Variants in SLC9A9 observed in about 807,000 individuals in gnomAD.
The protein encoded by SLC9A9 is solute carrier family 9 member A9.
A neutral mutation model predicts 77.8 loss-of-function variants in SLC9A9; 62 were observed. That is an observed-to-expected ratio of 0.80 (90% CI 0.65 to 0.98). The LOEUF (loss-of-function observed/expected upper bound fraction) is 0.98. Among genes scored for constraint, SLC9A9 ranks in the 50% least tolerant of loss-of-function variants. SLC9A9 has a pLI of 0.00. For synonymous variants in SLC9A9, 320 were observed against 283.5 expected (o/e 1.13, Z -1.29); for missense variants, 775 against 774.9 (o/e 1.00, Z 0.00).
intron 13 of SLC9A9, among the ~76,000 whole-genome samples, chr3:143,377,335 C>G (rs898616664): frequency 1.3e-5 from 2 of 152,218 alleles, no homozygotes; most frequent in African/African-American, 4.8e-5. Flanking sequence ...TCGCTTTACA[C>G]CTTTCATATT....
chr3:143,663,193 C>A (rs2039007703), intron 5 of SLC9A9, among the ~76,000 whole-genome samples: 1 of 152,202 alleles, frequency 6.6e-6, no homozygotes. Flanking sequence ...GGACCTCCAG[C>A]AAACTCCAAC....
At chr3:143,723,984 C>A (rs1161346005) in intron 4 of SLC9A9, among the ~76,000 whole-genome samples, 1 of 152,190 alleles carries the variant, frequency 6.6e-6, no homozygotes, top group Non-Finnish European at 1.5e-5. Context: ...GGTACTAGAA[C>A]AACATTTAAA....
chr3:143,619,959 G>A (rs1416615239), intron 6 of SLC9A9, among the ~76,000 whole-genome samples: 1 of 152,182 alleles, frequency 6.6e-6, no homozygotes, highest in Non-Finnish European at 1.5e-5. Flanking sequence ...AAGTGGCAGA[G>A]GTGGAGCTTC....
chr3:143,425,290 G>A (rs10935493), intron 12 of SLC9A9, among the ~76,000 whole-genome samples: 52 of 135,060 alleles, frequency 3.9e-4, no homozygotes, highest in South Asian at 1.9e-3. Flanking sequence ...TTTTTTTTAA[G>A]TATAATCATC....
chr3:143,698,483 G>GA (rs1210965319), intron 4 of SLC9A9, among the ~76,000 whole-genome samples: 1 of 152,106 alleles, frequency 6.6e-6, no homozygotes, highest in Non-Finnish European at 1.5e-5. Context: ...GGGGATTTGG[G>GA]AAAATGCTTA....
rs187302465 is a variant in SLC9A9, at chr3:143,488,349, T to C, written c.1315+5304A>G. On this transcript the variant is annotated intron_variant, in intron 11 of 15. Coordinates refer to ENST00000316549, the MANE Select transcript of SLC9A9 (RefSeq NM_173653.4). Reference sequence around the variant, plus strand: ...TTAAAGAGAAACTAATACCAACCCTTCACAAACTTTTCCAAAAACCTGAAG... The same window carrying C: ...TTAAAGAGAAACTAATACCAACCCTCCACAAACTTTTCCAAAAACCTGAAG... Among the ~76,000 whole-genome samples the C allele has an allele frequency of 5.9e-5, 9 of 152,044 alleles. No homozygotes were observed. In the East Asian group the frequency reaches 1.7e-3, roughly 29 times the overall value.
At chr3:143,515,034 A>G (rs1334052161) in intron 9 of SLC9A9, among the ~76,000 whole-genome samples, 2 of 152,180 alleles carry the variant, frequency 1.3e-5, no homozygotes, top group South Asian at 2.1e-4. Flanking sequence ...CAACCCAGAC[A>G]TGTGCAACTC....
intron 6 of SLC9A9, among the ~76,000 whole-genome samples, chr3:143,625,727 A>G (rs1375217632): frequency 6.6e-6 from 1 of 152,222 alleles, no homozygotes; most frequent in Non-Finnish European, 1.5e-5. Flanking sequence ...TGTCTAAAAC[A>G]CTAAAAGCAA....
intron 12 of SLC9A9, among the ~76,000 whole-genome samples, chr3:143,432,102 C>T (rs1249182650): frequency 6.6e-6 from 1 of 152,106 alleles, no homozygotes; most frequent in African/African-American, 2.4e-5. Flanking sequence ...ATATAATTTG[C>T]CCATTTGTTA....
At chr3:143,483,888 G>T (rs1327358601) in intron 11 of SLC9A9, among the ~76,000 whole-genome samples, 6 of 151,978 alleles carry the variant, frequency 3.9e-5, no homozygotes, top group African/African-American at 1.2e-4. Flanking sequence ...GCCAAGCCCA[G>T]CTTTCTCTTA....
intron 1 of SLC9A9, among the ~76,000 whole-genome samples, chr3:143,837,128 A>G (rs748777796): frequency 6.6e-6 from 1 of 152,136 alleles, no homozygotes; most frequent in African/African-American, 2.4e-5. Flanking sequence ...TAAAACACAA[A>G]AGTGTTTTAA....
chr3:143,723,279 G>C (rs1282766050), intron 4 of SLC9A9, among the ~76,000 whole-genome samples: 2 of 151,970 alleles, frequency 1.3e-5, no homozygotes, highest in Non-Finnish European at 2.9e-5. Flanking sequence ...AAAAACAAAG[G>C]CCCACGTTTC....
intron 2 of SLC9A9, among the ~76,000 whole-genome samples, chr3:143,805,052 C>T (rs2008673568): frequency 6.6e-6 from 1 of 152,186 alleles, no homozygotes; most frequent in Non-Finnish European, 1.5e-5. Context: ...AACTCAAGGA[C>T]AGAGCCCAAA....
intron 9 of SLC9A9, chr3:143,518,096 G>T (rs1341974819): frequency 7.6e-6 from 12 of 1,569,944 alleles, no homozygotes; most frequent in African/African-American, 1.3e-5. Flanking sequence ...TTTCTGAGTA[G>T]CAGGTGGTAC....
intron 9 of SLC9A9, among the ~76,000 whole-genome samples, chr3:143,534,007 T>C (rs937846998): frequency 6.6e-6 from 1 of 152,220 alleles, no homozygotes; most frequent in Non-Finnish European, 1.5e-5. Context: ...AGATTTCATA[T>C]GGTAAAAAGT....
At chr3:143,542,703 T>A (rs1383125752) in intron 9 of SLC9A9, among the ~76,000 whole-genome samples, 1 of 152,226 alleles carries the variant, frequency 6.6e-6, no homozygotes, top group East Asian at 1.9e-4. Context: ...CAGAACTAAA[T>A]AAAACCATTA....
intron 1 of SLC9A9, among the ~76,000 whole-genome samples, chr3:143,844,739 TTCTTTCTTTCTTTCTTTC>T (rs2009789464): frequency 1.4e-5 from 2 of 141,002 alleles, no homozygotes; most frequent in African/African-American, 2.6e-5. Flanking sequence ...CTTTCTTTCT[TTCTTTCTTTCTTTCTTTC>T]TTTCTTTCTT....
At chr3:143,466,820 A>G (rs1432546554) in intron 12 of SLC9A9, among the ~76,000 whole-genome samples, 2 of 152,218 alleles carry the variant, frequency 1.3e-5, no homozygotes, top group Non-Finnish European at 2.9e-5. Context: ...GACAGACTAT[A>G]AACAGACATC....
chr3:143,648,753 G>A (rs573502306), intron 6 of SLC9A9, among the ~76,000 whole-genome samples: 1 of 152,274 alleles, frequency 6.6e-6, no homozygotes, highest in African/African-American at 2.4e-5. Flanking sequence ...AATACATGCT[G>A]TACCTTTTAC....
Sources: gnomAD v4.1 joint callset for allele counts (sites outside exome capture counted in the v4.1 genomes callset) on GRCh38, gnomAD v4.1.1 for gene constraint, MANE v1.5 for transcripts, NCBI Gene and HGNC (gene_info 2026-07-23, HGNC 2026-07-21) for gene names.